ADAMTSL1: variants seen among roughly 807,000 people sequenced by gnomAD.
ADAMTSL1 encodes the protein ADAMTS-like protein 1.
In ADAMTSL1, 126 loss-of-function variants were observed where a neutral mutation model predicts 201.8. The observed-to-expected ratio is 0.62, with a 90% CI of 0.54 to 0.72. The LOEUF (loss-of-function observed/expected upper bound fraction) is 0.72, where lower values mean the gene tolerates loss of function less well. Among genes scored for constraint, ADAMTSL1 ranks in the 30% least tolerant of loss-of-function variants. The pLI is 0.00. For synonymous variants in ADAMTSL1, 1,121 were observed against 903.4 expected, an observed-to-expected ratio of 1.24 and a Z score of -4.32; for missense variants, 2,679 against 2,277.8, an observed-to-expected ratio of 1.18 and a Z score of -3.59.
rs149324163 is a variant in ADAMTSL1 at position 18,507,411 on chromosome 9, A to G, written c.191+2455A>G. 3.3e-5 allele frequency among the ~76,000 whole-genome samples: 5 copies of G among 152,366 alleles called. No homozygotes were observed. In the East Asian group the frequency reaches 9.6e-4, roughly 29 times the overall value. On this transcript the variant is annotated intron_variant, in intron 2 of 28. Transcript: ENST00000380548. ...CTCCAAGGACAATTTAAAGATCTAC[A>G]GTGACTAAGTAAATACCTTTATAAT...
intron 2 of ADAMTSL1, among the ~76,000 whole-genome samples, chr9:18,328,392 G>C (rs114289645): frequency 1.3e-5 from 2 of 152,256 alleles, no homozygotes; most frequent in Non-Finnish European, 2.9e-5. Flanking sequence ...GAACTGTGAC[G>C]TAACACCAAC....
intron 1 of ADAMTSL1, among the ~76,000 whole-genome samples, chr9:17,944,475 A>T (rs1323283137): frequency 6.6e-6 from 1 of 152,164 alleles, no homozygotes; most frequent in Non-Finnish European, 1.5e-5. Flanking sequence ...TTTAAAGTTC[A>T]TATGGAACCA....
At chr9:18,166,193 G>C (rs938758985) in intron 2 of ADAMTSL1, among the ~76,000 whole-genome samples, 2 of 151,876 alleles carry the variant, frequency 1.3e-5, no homozygotes, top group African/African-American at 2.4e-5. Flanking sequence ...TAGCAGCTCT[G>C]CTCCTTGAAG....
intron 15 of ADAMTSL1, among the ~76,000 whole-genome samples, chr9:18,737,144 C>A (rs1170383421): frequency 6.6e-6 from 1 of 151,942 alleles, no homozygotes; most frequent in African/African-American, 2.4e-5. Context: ...CATGGAGAAA[C>A]CTTGTCTCTA....
chr9:18,642,602 G>C (rs1415078491), intron 7 of ADAMTSL1, among the ~76,000 whole-genome samples: 1 of 151,656 alleles, frequency 6.6e-6, no homozygotes, highest in African/African-American at 2.4e-5. Flanking sequence ...CCAACCCCCT[G>C]GTAGCCAATA....
chr9:18,114,622 T>C (rs1297153752), intron 1 of ADAMTSL1, among the ~76,000 whole-genome samples: 2 of 152,270 alleles, frequency 1.3e-5, no homozygotes, highest in East Asian at 1.9e-4. Flanking sequence ...ATTGCTCATA[T>C]ATGAAGAAAA....
At chr9:18,155,760 G>A (rs1202957818) in intron 1 of ADAMTSL1, among the ~76,000 whole-genome samples, 1 of 151,980 alleles carries the variant, frequency 6.6e-6, no homozygotes, top group Non-Finnish European at 1.5e-5. Flanking sequence ...TGGAGACTGG[G>A]TGGCCTGTTT....
intron 2 of ADAMTSL1, among the ~76,000 whole-genome samples, chr9:18,238,407 C>T (rs1372732924): frequency 6.6e-6 from 1 of 152,132 alleles, no homozygotes; most frequent in African/African-American, 2.4e-5. Context: ...TCCCTTTGTG[C>T]AGGCAGCAGA....
chr9:18,718,335 A>G (rs548236656), intron 14 of ADAMTSL1: 42 of 741,662 alleles, frequency 5.7e-5, no homozygotes, highest in East Asian at 4.8e-4. Context: ...CCTCCTTGCT[A>G]TACATTGTTC....
intron 4 of ADAMTSL1, among the ~76,000 whole-genome samples, chr9:18,578,168 C>G: frequency 6.6e-6 from 1 of 152,104 alleles, no homozygotes; most frequent in Non-Finnish European, 1.5e-5. Context: ...TGTTTATCAA[C>G]ATTTTCTAAT....
chr9:18,290,784 T>TTTTTTTGG (rs1563862846), intron 2 of ADAMTSL1, among the ~76,000 whole-genome samples: 4 of 95,320 alleles, frequency 4.2e-5, no homozygotes, highest in Non-Finnish European at 7.0e-5. Flanking sequence ...TTTGTGTGTT[T>TTTTTTTGG]TTTTTTTTTT....
chr9:18,656,836 A>G (rs1180928401), intron 7 of ADAMTSL1, among the ~76,000 whole-genome samples: 1 of 152,006 alleles, frequency 6.6e-6, no homozygotes, highest in Non-Finnish European at 1.5e-5. Context: ...TCTTCATGAA[A>G]TTGTTGACAT....
chr9:18,314,890 G>A (rs1207399347), intron 2 of ADAMTSL1, among the ~76,000 whole-genome samples: 2 of 135,520 alleles, frequency 1.5e-5, no homozygotes, highest in African/African-American at 2.7e-5. Flanking sequence ...TCCGCCTCCC[G>A]GGTTCACGCC....
intron 1 of ADAMTSL1, among the ~76,000 whole-genome samples, chr9:18,064,887 G>T (rs1338490526): frequency 2.0e-5 from 3 of 146,388 alleles, no homozygotes; most frequent in African/African-American, 7.5e-5. Context: ...TATAAAGTTT[G>T]GTTGTCTATT....
chr9:18,045,235 C>A (rs2131645157), intron 1 of ADAMTSL1, among the ~76,000 whole-genome samples: 1 of 152,212 alleles, frequency 6.6e-6, no homozygotes, highest in African/African-American at 2.4e-5. Flanking sequence ...AGGATTATAT[C>A]ACAACTGAGT....
chr9:18,762,470 A>T (rs1295063018), intron 16 of ADAMTSL1, among the ~76,000 whole-genome samples: 1 of 152,198 alleles, frequency 6.6e-6, no homozygotes, highest in African/African-American at 2.4e-5. Context: ...TGGGGCATCC[A>T]TCCCTTCAAA....
intron 3 of ADAMTSL1, among the ~76,000 whole-genome samples, chr9:18,538,065 G>T (rs1323373638): frequency 6.6e-6 from 1 of 152,024 alleles, no homozygotes; most frequent in Non-Finnish European, 1.5e-5. Flanking sequence ...GAGTAGAATG[G>T]GACTTATAAT....
chr9:18,899,989 TAGAG>T (rs1367098072), intron 26 of ADAMTSL1, among the ~76,000 whole-genome samples: 2 of 152,060 alleles, frequency 1.3e-5, no homozygotes, highest in Non-Finnish European at 1.5e-5. Flanking sequence ...AAACTATCAT[TAGAG>T]AGAACAGACA....
chr9:17,936,119 A>G (rs935949546), intron 1 of ADAMTSL1, among the ~76,000 whole-genome samples: 1 of 152,036 alleles, frequency 6.6e-6, no homozygotes, highest in Non-Finnish European at 1.5e-5. Flanking sequence ...ATTTGCTCTC[A>G]TTTCTGCTCC....
Sources: gnomAD v4.1 joint callset for allele counts (sites outside exome capture counted in the v4.1 genomes callset) on GRCh38, gnomAD v4.1.1 for gene constraint, MANE v1.5 for transcripts, NCBI Gene and HGNC (gene_info 2026-07-23, HGNC 2026-07-21) for gene names.